Variants in TENM3 observed in about 807,000 individuals in gnomAD.
TENM3 encodes the protein teneurin transmembrane protein 3, also known as teneurin-3.
Under a neutral mutation model 255.1 loss-of-function variants are expected in TENM3, and 63 were observed. The observed-to-expected ratio is 0.25, with a 90% confidence interval of 0.20 to 0.30. The LOEUF (loss-of-function observed/expected upper bound fraction) is 0.30. Ranked by LOEUF, TENM3 falls within the 10% of genes least tolerant of loss-of-function variation. TENM3 has a pLI of 1.00. For synonymous variants in TENM3, 1,306 were observed against 1,322.3 expected (o/e 0.99, Z 0.27); for missense variants, 2,929 against 3,461.1 (o/e 0.85, Z 3.86).
chr4:181,773,319 C>T, the TENM3 span, among the ~76,000 whole-genome samples: 3 of 152,260 alleles, frequency 2.0e-5, no homozygotes, highest in Middle Eastern at 3.4e-3. Flanking sequence ...AATAGCAGCA[C>T]GAAAGTTGTT....
chr4:182,444,411 G>A (rs1772740030), intron 3 of TENM3, among the ~76,000 whole-genome samples: 2 of 151,906 alleles, frequency 1.3e-5, no homozygotes, highest in South Asian at 2.1e-4. Context: ...CAATTTCTTT[G>A]ATATGCTTTT....
chr4:181,875,032 G>T, the TENM3 span, among the ~76,000 whole-genome samples: 1 of 152,140 alleles, frequency 6.6e-6, no homozygotes, highest in Non-Finnish European at 1.5e-5. Flanking sequence ...TTCCCTCATG[G>T]CCATGTGTTG....
At chr4:181,543,432 T>C in the TENM3 span, among the ~76,000 whole-genome samples, 1 of 152,188 alleles carries the variant, frequency 6.6e-6, no homozygotes, top group Middle Eastern at 3.2e-3. Flanking sequence ...TTAAGAATTG[T>C]CTGAGCAACT....
At chr4:181,485,644 G>A in the TENM3 span, among the ~76,000 whole-genome samples, 1 of 151,914 alleles carries the variant, frequency 6.6e-6, no homozygotes, top group African/African-American at 2.4e-5. Context: ...TAGGTAATAC[G>A]GATAACATCA....
At chr4:182,161,959 G>GTGTGTA (rs1343876481) in intron 1 of TENM3, among the ~76,000 whole-genome samples, 2 of 16,282 alleles carry the variant, frequency 1.2e-4, no homozygotes, top group African/African-American at 3.5e-4. Flanking sequence ...GTGTGTGTGT[G>GTGTGTA]TATATATATA....
chr4:182,021,142 A>G, the TENM3 span, among the ~76,000 whole-genome samples: 44,514 of 151,986 alleles, frequency 0.29, 7,123 homozygotes, highest in Middle Eastern at 0.38. Flanking sequence ...TTTAGCTCCC[A>G]CTTATGAGAA....
At chr4:181,858,487 A>G in the TENM3 span, among the ~76,000 whole-genome samples, 1 of 152,204 alleles carries the variant, frequency 6.6e-6, no homozygotes, top group Non-Finnish European at 1.5e-5. Flanking sequence ...CTATTTATCC[A>G]GTGCCGGACA....
At chr4:182,535,957 TA>T (rs1248336246) in intron 3 of TENM3, among the ~76,000 whole-genome samples, 3 of 151,980 alleles carry the variant, frequency 2.0e-5, no homozygotes, top group African/African-American at 7.2e-5. Context: ...ACACATTTTT[TA>T]TTTTATTTTA....
chr4:181,532,715 A>G, the TENM3 span, among the ~76,000 whole-genome samples: 1 of 152,184 alleles, frequency 6.6e-6, no homozygotes, highest in African/African-American at 2.4e-5. Context: ...ACCAAAGAGG[A>G]GAGGACATTT....
the TENM3 span, among the ~76,000 whole-genome samples, chr4:181,505,028 G>A: frequency 6.6e-6 from 1 of 152,180 alleles, no homozygotes; most frequent in Non-Finnish European, 1.5e-5. Context: ...AATGTGCCAG[G>A]TGTGGGCCGG....
At chr4:181,920,354 T>C in the TENM3 span, among the ~76,000 whole-genome samples, 2 of 151,750 alleles carry the variant, frequency 1.3e-5, no homozygotes, top group African/African-American at 2.4e-5. Flanking sequence ...CCACCAACAG[T>C]GTAAAAGTGT....
At chr4:182,163,319 A>G (rs1751484457) in intron 1 of TENM3, among the ~76,000 whole-genome samples, 2 of 152,142 alleles carry the variant, frequency 1.3e-5, no homozygotes. Context: ...CTTGTCACGA[A>G]GAAGCCCAAA....
At chr4:182,122,448 T>C in the TENM3 span, among the ~76,000 whole-genome samples, 1 of 152,250 alleles carries the variant, frequency 6.6e-6, no homozygotes. Context: ...ACTGATGGAC[T>C]GCAGAATGGA....
intron 3 of TENM3, among the ~76,000 whole-genome samples, chr4:182,382,964 G>T (rs4862057): frequency 2.0e-5 from 3 of 151,894 alleles, no homozygotes; most frequent in African/African-American, 7.3e-5. Flanking sequence ...CCACCTACTC[G>T]TTGGTGTTGC....
intron 3 of TENM3, 126 bp downstream of exon 3, chr4:182,347,055 C>A: frequency 1.1e-6 from 1 of 884,804 alleles, no homozygotes; most frequent in South Asian, 2.0e-5. Flanking sequence ...TCTTTCTTGT[C>A]CATTTCTTTT....
chr4:182,116,080 A>T, the TENM3 span, among the ~76,000 whole-genome samples: 1 of 152,002 alleles, frequency 6.6e-6, no homozygotes, highest in Admixed American at 6.6e-5. Context: ...ATTAGGATTC[A>T]CTCTTAGTAT....
chr4:182,068,675 A>G, the TENM3 span, among the ~76,000 whole-genome samples: 1 of 152,078 alleles, frequency 6.6e-6, no homozygotes. Context: ...TTTTATTGTA[A>G]TTTCCCTAAA....
At chr4:182,598,662 C>T (rs771710479) in intron 3 of TENM3, among the ~76,000 whole-genome samples, 5 of 152,200 alleles carry the variant, frequency 3.3e-5, no homozygotes, top group East Asian at 1.9e-4. Flanking sequence ...AGCTTTCATC[C>T]GTGACTGACG....
At position 182,215,832 on chromosome 4, in the gene TENM3, A is replaced by C. The variant is rs1474874070; in HGVS notation, c.-76+71078A>C. Among the ~76,000 whole-genome samples the C allele has an allele frequency of 6.5e-4, 99 of 152,136 alleles. 4 individuals are homozygous for C. The highest frequency in any genetic ancestry group is 6.5e-3 in the Admixed American group (99 of 15,280). ...TGCAATCAGGTTTCAAGTTCCACTG[A>C]TGTCTCGATACCTTTCTAGGGTTAG... On this transcript the variant is annotated intron_variant, in intron 1 of 2. Transcript: ENST00000512480.
Sources: gnomAD v4.1 joint callset for allele counts (sites outside exome capture counted in the v4.1 genomes callset) on GRCh38, gnomAD v4.1.1 for gene constraint, MANE v1.5 for transcripts, NCBI Gene and HGNC (gene_info 2026-07-23, HGNC 2026-07-21) for gene names.